Variants in SET observed in about 807,000 individuals in gnomAD.
The protein encoded by SET is protein SET.
Under a neutral mutation model 39.0 loss-of-function variants are expected in SET, and 4 were observed. The ratio of observed to expected loss-of-function variants is 0.10; its 90% CI spans 0.05 to 0.23. The LOEUF is 0.23. SET is among the 10% of genes least tolerant of loss of function. The pLI is 1.00. For missense variants in SET, 137 were observed against 329.7 expected (o/e 0.42, Z 4.53); for synonymous variants, 114 against 115.9 (o/e 0.98, Z 0.11).
upstream of SET, among the ~76,000 whole-genome samples, chr9:128,686,985 T>C (rs532112411): frequency 1.3e-5 from 2 of 152,182 alleles, no homozygotes; most frequent in East Asian, 1.9e-4. Flanking sequence ...ACAATAAAAA[T>C]AGAAAAACTG....
At chr9:128,692,135 C>A (rs143472070) in intron 3 of SET, 135 bp downstream of exon 3, 15,054 of 1,070,866 alleles carry the variant, frequency 0.014, 194 homozygotes, top group South Asian at 0.056. Flanking sequence ...ACCTGTAATC[C>A]CAGCACTTTG....
At position 128,689,363 on chromosome 9, in the gene SET, C is replaced by T. The variant is rs1861410273; in HGVS notation, c.-220C>T. ...CCCCTCCGCGAACAGGAGCCCGGGCCGGGGCCCGGCACGCCGCCCCAGCCC... is the reference window on the plus strand; with the variant it reads ...CCCCTCCGCGAACAGGAGCCCGGGCTGGGGCCCGGCACGCCGCCCCAGCCC... On this transcript the variant is annotated 5_prime_UTR_variant, in exon 1 of 8. Transcript: ENST00000322030. The T allele has an allele frequency of 5.9e-6, 6 of 1,010,052 alleles. No individual in the cohort carries two copies. The highest frequency in any genetic ancestry group is 7.2e-6 in the Non-Finnish European group (6 of 836,900). The allele number at this position is 1,010,052 out of a possible 1,614,324, so 62.6% of individuals were successfully genotyped here. A position where few individuals can be genotyped will look rare whatever the true frequency, so the allele number is the denominator to read the frequency against.
rs1403215959 is a variant in SET at position 128,692,986 on chromosome 9, GT to G, written c.492+9del. The G allele has an allele frequency of 6.5e-7, 1 of 1,545,730 alleles. No individual in the cohort carries two copies. Among genetic ancestry groups the G allele is most frequent in the African/African-American group, 1.4e-5 (1 of 73,418 alleles). ...ATCAAATGGAAATCTGGAAAGGTAT[GT>G]TTTGAGGAATTATTTGACAAAAATA... On this transcript the variant is annotated splice_donor_region_variant and intron_variant, in intron 5 of 7. Coordinates refer to ENST00000322030, the MANE Select transcript of SET (RefSeq NM_003011.4).
intron 1 of SET, chr9:128,689,943 CCCCTCCCT>C: frequency 9.3e-6 from 2 of 214,316 alleles, no homozygotes; most frequent in Non-Finnish European, 1.6e-5. Context: ...CGCTCTCCTC[CCCCTCCCT>C]CCCTCCCGAG....
intron 1 of SET, chr9:128,690,377 G>A (rs1332626068): frequency 6.6e-6 from 1 of 152,596 alleles, no homozygotes; most frequent in Admixed American, 6.5e-5. Context: ...TGCCAATCCG[G>A]GATGGTTACC....
intron 1 of SET, 117 bp from the exon 2 acceptor site, chr9:128,691,048 GCTTGC>G (rs758501928): frequency 1.3e-6 from 1 of 783,294 alleles, no homozygotes; most frequent in Admixed American, 1.9e-5. Context: ...CATGTGGAAC[GCTTGC>G]CTTTGTACTA....
chr9:128,686,384 C>T (rs1192426511), upstream of SET, among the ~76,000 whole-genome samples: 1 of 152,158 alleles, frequency 6.6e-6, no homozygotes, highest in Non-Finnish European at 1.5e-5. Context: ...GAAGGCATTA[C>T]AGGGTTCCCT....
At chr9:128,683,818 T>G in exon 1 of SET, 1 of 1,263,502 alleles carries the variant, frequency 7.9e-7, no homozygotes, top group Non-Finnish European at 1.1e-6. Flanking sequence ...CGCTGGCACC[T>G]GGGGCAGTCT....
At chr9:128,689,005 G>A (rs1176812248), upstream of SET, among the ~76,000 whole-genome samples, 1 of 151,320 alleles carries the variant, frequency 6.6e-6, no homozygotes, top group Admixed American at 6.6e-5. Context: ...GTCCTGGGTC[G>A]GGCCGGAGAG....
At chr9:128,686,589 T>C (rs898574877), upstream of SET, among the ~76,000 whole-genome samples, 1 of 151,980 alleles carries the variant, frequency 6.6e-6, no homozygotes, top group Non-Finnish European at 1.5e-5. Flanking sequence ...AAATAGGAAA[T>C]TAGAATCACA....
chr9:128,692,656 G>C lies in SET; in HGVS notation c.275-6G>C. On this transcript the variant is annotated splice_region_variant and splice_polypyrimidine_tract_variant and intron_variant, in intron 3 of 7. Transcript: ENST00000322030. ...AATTCAGCTGACCTGTAATTTTCTG[G>C]CCTAGTGTCTGCACTGCTTGGGGAG... 2 of 1,589,922 alleles carry C rather than the reference G, an allele frequency of 1.3e-6. No homozygotes were observed. Among genetic ancestry groups the C allele is most frequent in the Non-Finnish European group, 1.7e-6 (2 of 1,159,862 alleles).
intron 2 of SET, among the ~76,000 whole-genome samples, 193 bp downstream of exon 2, chr9:128,691,420 T>TA (rs982836460): frequency 1.3e-5 from 2 of 152,242 alleles, no homozygotes; most frequent in Non-Finnish European, 2.9e-5. Context: ...GCATTGACCT[T>TA]ACAAGGTTTG....
chr9:128,683,747 T>G, exon 1 of SET: 3 of 597,604 alleles, frequency 5.0e-6, no homozygotes, highest in Non-Finnish European at 2.9e-6. Flanking sequence ...GGCCGGGGTG[T>G]GTGTCCCACT....
intron 1 of SET, 169 bp from the exon 2 acceptor site, chr9:128,691,001 A>G: frequency 2.9e-6 from 2 of 694,126 alleles, no homozygotes; most frequent in East Asian, 2.6e-5. Flanking sequence ...TGGTCTTTTA[A>G]TTAATTAAAA....
chr9:128,692,580 GAAAA>G, intron 3 of SET, 78 bp from the exon 4 acceptor site: 1 of 966,254 alleles, frequency 1.0e-6, no homozygotes, highest in Non-Finnish European at 1.6e-6. Context: ...ACTAAGTTCG[GAAAA>G]ATTTTAAAGG....
chr9:128,686,851 C>T (rs577778204), upstream of SET, among the ~76,000 whole-genome samples: 266 of 151,828 alleles, frequency 1.8e-3, no homozygotes, highest in Non-Finnish European at 3.3e-3. Flanking sequence ...GGCAGTGGTG[C>T]TTGCCTGTGG....
chr9:128,692,563 G>C, intron 3 of SET, 99 bp from the exon 4 acceptor site: 1 of 757,572 alleles, frequency 1.3e-6, no homozygotes, highest in East Asian at 2.6e-5. Context: ...TAAAACCAAA[G>C]ATGCTCACTA....
chr9:128,691,201 T>C lies in SET; in HGVS notation c.105T>C (p.Ile35=). The change falls in exon 2 of 8, where the codon ATT becomes ATC. Residue 35 remains isoleucine (I), a synonymous_variant. Coordinates refer to ENST00000322030, the MANE Select transcript of SET (RefSeq NM_003011.4). ...AACAGCAAGAAGCGATTGAACACAT[T>C]GATGAAGTACAAAATGAAATAGACA... ...EKEQQEAIEH[I]DEVQNEIDRL... is the part of the protein sequence containing the mutation. 2 of 1,604,426 alleles carry C rather than the reference T, an allele frequency of 1.2e-6. No homozygotes were observed. The highest frequency in any genetic ancestry group is 2.2e-5 in the East Asian group (1 of 44,824).
At chr9:128,685,348 A>G, upstream of SET, 1 of 728,418 alleles carries the variant, frequency 1.4e-6, no homozygotes, top group African/African-American at 1.8e-5. Flanking sequence ...TCAGTGCTCT[A>G]GAGTGCATTT....
Sources: allele counts gnomAD v4.1 joint callset (sites outside exome capture counted in the v4.1 genomes callset), GRCh38; gene constraint gnomAD v4.1.1; transcripts MANE v1.5; gene names NCBI Gene and HGNC (gene_info 2026-07-23, HGNC 2026-07-21).